Variants in MGMT observed in about 807,000 individuals in gnomAD.
MGMT encodes O-6-methylguanine-DNA methyltransferase, also known as methylated-DNA--protein-cysteine methyltransferase.
MGMT carries 14 observed loss-of-function variants against 15.9 expected under a neutral mutation model. That is an observed-to-expected ratio of 0.88 (90% CI 0.58 to 1.37). The LOEUF (loss-of-function observed/expected upper bound fraction) is 1.37. MGMT is among the 40% of genes most tolerant of loss of function. The pLI is 0.00. For missense variants in MGMT, 282 were observed against 268.1 expected, an observed-to-expected ratio of 1.05 and a Z score of -0.36; for synonymous variants, 130 against 118.2, an observed-to-expected ratio of 1.10 and a Z score of -0.65.
rs188773597 is a variant in MGMT, at chr10:129,475,666, G to C, written c.-13+8370G>C. Among the ~76,000 whole-genome samples, 368 of 152,294 alleles carry C rather than the reference G, an allele frequency of 2.4e-3. 2 individuals are homozygous for C. Among genetic ancestry groups the C allele is most frequent in the African/African-American group, 8.6e-3 (356 of 41,582 alleles). ...GCGGGCCGATCAGCACACTCCCAGT[G>C]CCTCTGCAGGCCGTCAGCCTCCAGC... On this transcript the variant is annotated intron_variant, in intron 1 of 4. Transcript: ENST00000651593.
intron 2 of MGMT, among the ~76,000 whole-genome samples, chr10:129,563,116 T>G (rs140473471): frequency 7.9e-5 from 12 of 152,318 alleles, no homozygotes; most frequent in African/African-American, 2.9e-4. Context: ...GCAGGCTGGG[T>G]GGAACCATGG....
intron 2 of MGMT, among the ~76,000 whole-genome samples, chr10:129,597,771 C>G (rs548357450): frequency 2.0e-5 from 3 of 152,216 alleles, no homozygotes; most frequent in African/African-American, 7.2e-5. Flanking sequence ...ACCTCACAGG[C>G]CTTGGAAAGT....
chr10:129,712,058 G>A lies in MGMT; in HGVS notation c.274+4015G>A, dbSNP rs189227766. 1.3e-3 allele frequency among the ~76,000 whole-genome samples: 203 copies of A among 152,324 alleles called. 1 individual carries two copies. The highest frequency in any genetic ancestry group is 4.7e-3 in the African/African-American group (197 of 41,570). On this transcript the variant is annotated intron_variant, in intron 3 of 4. Transcript: ENST00000651593. ...TTTGCCAAAAGCAGCTTTTTACAAT[G>A]AGTTCAAGAAAAGCAGACCTACGGA...
At chr10:129,558,032 G>A (rs1846233146) in intron 2 of MGMT, among the ~76,000 whole-genome samples, 2 of 152,186 alleles carry the variant, frequency 1.3e-5, no homozygotes, top group Non-Finnish European at 2.9e-5. Context: ...TGCGGGAAGA[G>A]GTTTCCCGGT....
At chr10:129,572,023 C>T (rs1401764860) in intron 2 of MGMT, among the ~76,000 whole-genome samples, 3 of 152,164 alleles carry the variant, frequency 2.0e-5, no homozygotes. Context: ...ACGTAACTGA[C>T]CCTGCCAGGG....
chr10:129,504,351 C>T (rs1314466497), intron 1 of MGMT, among the ~76,000 whole-genome samples: 1 of 152,158 alleles, frequency 6.6e-6, no homozygotes, highest in Non-Finnish European at 1.5e-5. Flanking sequence ...ATGAAGTTCA[C>T]CTTTCCATTG....
chr10:129,531,657 G>A (rs907305096), intron 1 of MGMT, among the ~76,000 whole-genome samples: 30 of 152,224 alleles, frequency 2.0e-4, no homozygotes, highest in African/African-American at 7.2e-4. Context: ...GCTGCCCACA[G>A]AAGAACTGTG....
chr10:129,764,356 C>A (rs569216718), intron 4 of MGMT, among the ~76,000 whole-genome samples: 1 of 152,208 alleles, frequency 6.6e-6, no homozygotes, highest in African/African-American at 2.4e-5. Context: ...CCACCTCCCT[C>A]GGGGACGTGT....
chr10:129,475,167 C>T (rs755440135), intron 1 of MGMT, among the ~76,000 whole-genome samples: 4 of 151,580 alleles, frequency 2.6e-5, no homozygotes, highest in South Asian at 2.1e-4. Flanking sequence ...GGCTGCAGGT[C>T]GGTGTGTTGG....
chr10:129,499,386 G>A (rs1277392433), intron 1 of MGMT, among the ~76,000 whole-genome samples: 1 of 152,198 alleles, frequency 6.6e-6, no homozygotes, highest in African/African-American at 2.4e-5. Flanking sequence ...TTTCCAAATG[G>A]ATATGCCAGC....
chr10:129,586,769 A>G (rs1009252249), intron 2 of MGMT, among the ~76,000 whole-genome samples: 15 of 152,312 alleles, frequency 9.8e-5, no homozygotes, highest in African/African-American at 3.4e-4. Flanking sequence ...CCTATGGGCA[A>G]TGGGTGTTTA....
chr10:129,754,731 C>T (rs1415891952), intron 3 of MGMT, among the ~76,000 whole-genome samples: 1 of 152,246 alleles, frequency 6.6e-6, no homozygotes, highest in Non-Finnish European at 1.5e-5. Flanking sequence ...GGCGAGGAAG[C>T]ATGCCAGACA....
At position 129,759,309 on chromosome 10, in the gene MGMT, C is replaced by A. The variant is rs148705827; in HGVS notation, c.382C>A (p.Arg128=). ...AALAGNPKAA[R]AVGGAMRGNP... is the part of the protein sequence containing the mutation. ...CCTGGCAGGCAACCCCAAAGCCGCG[C>A]GAGCAGTGGGAGGAGCAATGAGAGG... is the stretch of plus-strand genomic sequence containing the variant. Residue 128 remains arginine (R), a synonymous_variant, in exon 4 of 5, where the codon CGA becomes AGA. Coordinates refer to ENST00000651593, the MANE Select transcript of MGMT (RefSeq NM_002412.5). 1 of 1,614,170 alleles carries A rather than the reference C, an allele frequency of 6.2e-7. No individual in the cohort carries two copies. Among genetic ancestry groups the A allele is most frequent in the South Asian group, 1.1e-5 (1 of 91,084 alleles).
At chr10:129,758,865 T>C (rs2133184855) in intron 3 of MGMT, among the ~76,000 whole-genome samples, 1 of 152,320 alleles carries the variant, frequency 6.6e-6, no homozygotes, top group African/African-American at 2.4e-5. Flanking sequence ...TCTGTGTGTA[T>C]TAATTGAGCC....
chr10:129,515,367 C>T (rs951476648), intron 1 of MGMT, among the ~76,000 whole-genome samples: 3 of 152,284 alleles, frequency 2.0e-5, no homozygotes, highest in Non-Finnish European at 2.9e-5. Context: ...GTGGTGTTCC[C>T]AGATTTGGGG....
rs1417062396 is a variant in MGMT at position 129,770,660 on chromosome 10, G to C, written c.*3663G>C. On this transcript the variant is annotated 3_prime_UTR_variant, in exon 5 of 5. Transcript: ENST00000651593. ...TACTTGGGCTTCTCACAGCACAGAGGAGGATTCTGAAGTGAGAGATAAATT... is the reference window on the plus strand; with the variant it reads ...TACTTGGGCTTCTCACAGCACAGAGCAGGATTCTGAAGTGAGAGATAAATT... 1.3e-5 allele frequency among the ~76,000 whole-genome samples: 2 copies of C among 152,240 alleles called. No homozygotes were observed. Among genetic ancestry groups the C allele is most frequent in the East Asian group, 3.8e-4 (2 of 5,196 alleles).
At chr10:129,698,233 A>G (rs1007136621) in intron 2 of MGMT, among the ~76,000 whole-genome samples, 1 of 151,980 alleles carries the variant, frequency 6.6e-6, no homozygotes, top group Non-Finnish European at 1.5e-5. Context: ...GGCGGTTGCT[A>G]CTCTGGGCTG....
At chr10:129,528,687 G>A (rs964728461) in intron 1 of MGMT, among the ~76,000 whole-genome samples, 3 of 152,150 alleles carry the variant, frequency 2.0e-5, no homozygotes, top group Admixed American at 6.5e-5. Flanking sequence ...GGAGAGCTGC[G>A]GTGGTGGAGT....
At chr10:129,596,563 G>A (rs781659380) in intron 2 of MGMT, among the ~76,000 whole-genome samples, 8 of 152,294 alleles carry the variant, frequency 5.3e-5, no homozygotes, top group Non-Finnish European at 8.8e-5. Context: ...GCACCTGGGC[G>A]GGGGACACCC....
Sources: allele counts gnomAD v4.1 joint callset (sites outside exome capture counted in the v4.1 genomes callset), GRCh38; gene constraint gnomAD v4.1.1; transcripts MANE v1.5; gene names NCBI Gene and HGNC (gene_info 2026-07-23, HGNC 2026-07-21).